The following ZRANB3 variants were observed in gnomAD, a reference collection of about 807,000 sequenced individuals.
ZRANB3 encodes the protein DNA annealing helicase and endonuclease ZRANB3.
A neutral mutation model predicts 133.8 loss-of-function variants in ZRANB3; 125 were observed. The observed-to-expected ratio is 0.93, with a 90% confidence interval of 0.81 to 1.08. The LOEUF is 1.08. ZRANB3 is among the 50% of genes least tolerant of loss of function. The pLI is 0.00. For missense variants in ZRANB3, 1,229 were observed against 1,275.5 expected (o/e 0.96, Z 0.56); for synonymous variants, 387 against 432.7 (o/e 0.89, Z 1.31).
intron 1 of ZRANB3, among the ~76,000 whole-genome samples, chr2:135,505,868 G>C (rs1442347725): frequency 2.6e-5 from 4 of 152,178 alleles, no homozygotes; most frequent in African/African-American, 9.7e-5. Flanking sequence ...TGGGAAGGAT[G>C]ATTAATTATA....
intron 2 of ZRANB3, among the ~76,000 whole-genome samples, chr2:135,436,079 C>T (rs1689520893): frequency 6.6e-6 from 1 of 152,130 alleles, no homozygotes; most frequent in Non-Finnish European, 1.5e-5. Flanking sequence ...TAGGATTGTA[C>T]TGCCTAGATT....
chr2:135,426,655 C>A (rs1404096435), intron 2 of ZRANB3, among the ~76,000 whole-genome samples: 1 of 149,874 alleles, frequency 6.7e-6, no homozygotes, highest in Non-Finnish European at 1.5e-5. Context: ...TGGTGAAACT[C>A]AATCTCTACT....
chr2:135,431,250 C>T (rs1689309537), intron 2 of ZRANB3, among the ~76,000 whole-genome samples: 1 of 151,582 alleles, frequency 6.6e-6, no homozygotes, highest in South Asian at 2.1e-4. Context: ...CATGATCGCA[C>T]CACTGCATTC....
At chr2:135,354,657 G>C (rs1283876836) in intron 3 of ZRANB3, among the ~76,000 whole-genome samples, 1 of 152,168 alleles carries the variant, frequency 6.6e-6, no homozygotes, top group Non-Finnish European at 1.5e-5. Context: ...ATTTCGGTAA[G>C]TGAAAGAAGC....
chr2:135,324,668 T>C (rs1683721055), intron 6 of ZRANB3, among the ~76,000 whole-genome samples: 1 of 152,216 alleles, frequency 6.6e-6, no homozygotes, highest in Non-Finnish European at 1.5e-5. Context: ...CTGTCTTCCA[T>C]AATGGTTGAA....
intron 2 of ZRANB3, among the ~76,000 whole-genome samples, chr2:135,409,774 A>G (rs1203847365): frequency 6.6e-6 from 1 of 152,244 alleles, no homozygotes; most frequent in African/African-American, 2.4e-5. Context: ...AAGTTCAGTA[A>G]TGTTTCAGGA....
In ZRANB3 at chr2:135,491,421, T is replaced by C. The variant is rs146758327; in HGVS notation, c.161+12908A>G. ...ATGCAGCGGCACAATCTTGGCTCAC[T>C]GCAACCTCCACCTCCCGGGTTTATG... On this transcript the variant is annotated intron_variant, in intron 2 of 20. Coordinates refer to ENST00000264159, the MANE Select transcript of ZRANB3 (RefSeq NM_032143.4). Among the ~76,000 whole-genome samples the C allele has an allele frequency of 3.0e-3, 455 of 152,310 alleles. 3 individuals are homozygous for C. Among genetic ancestry groups the C allele is most frequent in the African/African-American group, 0.01 (422 of 41,582 alleles).
intron 8 of ZRANB3, among the ~76,000 whole-genome samples, chr2:135,291,605 A>G (rs1462943198): frequency 6.6e-6 from 1 of 150,572 alleles, no homozygotes; most frequent in Admixed American, 6.6e-5. Context: ...TAATTTTATT[A>G]TTATTATACT....
intron 3 of ZRANB3, among the ~76,000 whole-genome samples, chr2:135,355,073 G>C (rs114940556): frequency 1.3e-5 from 2 of 152,112 alleles, no homozygotes; most frequent in Non-Finnish European, 1.5e-5. Flanking sequence ...TAAATGCTGA[G>C]CAAAACTAAA....
Position 135,506,762 on chromosome 2 carries a change from A to G in ZRANB3, c.-7-2266T>C, listed in dbSNP as rs560575112. Among the ~76,000 whole-genome samples the G allele has an allele frequency of 5.9e-5, 9 of 152,308 alleles. No individual in the cohort carries two copies. In the East Asian group the frequency reaches 1.5e-3, roughly 26 times the overall value. Reference sequence around the variant, plus strand: ...AGGGGAATGACACAATCTGACTTACATTTCAAAAAACACCTGAAGGAGACA... The same window carrying G: ...AGGGGAATGACACAATCTGACTTACGTTTCAAAAAACACCTGAAGGAGACA... On this transcript the variant is annotated intron_variant, in intron 1 of 20. Transcript: ENST00000264159.
At chr2:135,312,251 T>A (rs1027222052) in intron 8 of ZRANB3, among the ~76,000 whole-genome samples, 25 of 151,620 alleles carry the variant, frequency 1.6e-4, no homozygotes, top group African/African-American at 5.8e-4. Context: ...AAAGCTGGAG[T>A]GCGGTGGCAC....
intron 2 of ZRANB3, among the ~76,000 whole-genome samples, chr2:135,399,467 TA>T (rs1208106278): frequency 6.6e-6 from 1 of 152,188 alleles, no homozygotes; most frequent in Non-Finnish European, 1.5e-5. Context: ...TAAGACTGAC[TA>T]AGCTGCACCC....
chr2:135,502,250 G>C (rs918788489), intron 2 of ZRANB3, among the ~76,000 whole-genome samples: 1 of 152,072 alleles, frequency 6.6e-6, no homozygotes, highest in African/African-American at 2.4e-5. Flanking sequence ...ACAATTCTAA[G>C]CTTCCAAAAA....
At chr2:135,227,133 A>G (rs1420099937) in intron 14 of ZRANB3, among the ~76,000 whole-genome samples, 1 of 152,248 alleles carries the variant, frequency 6.6e-6, no homozygotes, top group Non-Finnish European at 1.5e-5. Context: ...TCTGTATGTT[A>G]CTATGGTCAC....
intron 11 of ZRANB3, among the ~76,000 whole-genome samples, 156 bp downstream of exon 11, chr2:135,268,806 A>G (rs570340008): frequency 4.6e-5 from 7 of 152,310 alleles, no homozygotes; most frequent in African/African-American, 1.4e-4. Context: ...AGGTACTACT[A>G]CTGAAGCCTT....
At chr2:135,253,224 G>A (rs969236276) in intron 12 of ZRANB3, among the ~76,000 whole-genome samples, 1 of 152,196 alleles carries the variant, frequency 6.6e-6, no homozygotes. Flanking sequence ...AGAGGTGGTG[G>A]TAGGGCCTGC....
intron 8 of ZRANB3, among the ~76,000 whole-genome samples, chr2:135,305,196 A>G (rs1339645690): frequency 6.6e-6 from 1 of 152,108 alleles, no homozygotes. Flanking sequence ...CAGGCCTCAT[A>G]TGATCCACCT....
chr2:135,315,598 G>A, intron 6 of ZRANB3, 68 bp from the exon 7 acceptor site: 1 of 1,127,866 alleles, frequency 8.9e-7, no homozygotes, highest in Non-Finnish European at 1.2e-6. Flanking sequence ...TTTATCCAAT[G>A]TGCTCTTCCT....
intron 2 of ZRANB3, among the ~76,000 whole-genome samples, chr2:135,391,961 A>G (rs866427053): frequency 6.6e-6 from 1 of 152,226 alleles, no homozygotes; most frequent in East Asian, 1.9e-4. Flanking sequence ...ATTCTATGCA[A>G]TGATAATTGA....
Sources: gnomAD v4.1 joint callset for allele counts (sites outside exome capture counted in the v4.1 genomes callset) on GRCh38, gnomAD v4.1.1 for gene constraint, MANE v1.5 for transcripts, NCBI Gene and HGNC (gene_info 2026-07-23, HGNC 2026-07-21) for gene names.